Variants in ST18 observed in about 807,000 individuals in gnomAD.
ST18 encodes suppression of tumorigenicity 18 protein.
A neutral mutation model predicts 110.0 loss-of-function variants in ST18; 50 were observed. The observed-to-expected ratio is 0.45, with a 90% CI of 0.36 to 0.58. ST18 has a LOEUF of 0.58. Among genes scored for constraint, ST18 ranks in the 20% least tolerant of loss-of-function variants. The pLI, the probability that ST18 is intolerant of heterozygous loss-of-function variation, is 0.00. For missense variants in ST18, 1,306 were observed against 1,280.1 expected, an observed-to-expected ratio of 1.02 and a Z score of -0.31; for synonymous variants, 461 against 452.4, an observed-to-expected ratio of 1.02 and a Z score of -0.24.
chr8:52,307,011 G>A (rs999539185), intron 2 of ST18, among the ~76,000 whole-genome samples: 11 of 152,086 alleles, frequency 7.2e-5, no homozygotes, highest in African/African-American at 2.7e-4. Context: ...TTCAAACTGA[G>A]GTTTTGTCTA....
At chr8:52,209,490 G>C (rs1019851357) in intron 8 of ST18, among the ~76,000 whole-genome samples, 41 of 152,100 alleles carry the variant, frequency 2.7e-4, no homozygotes, top group Non-Finnish European at 8.8e-5. Flanking sequence ...TTAGTTTATT[G>C]ACTGGGTGCA....
intron 2 of ST18, among the ~76,000 whole-genome samples, chr8:52,286,509 C>A (rs1382440652): frequency 6.6e-6 from 1 of 152,076 alleles, no homozygotes; most frequent in Non-Finnish European, 1.5e-5. Context: ...AAGTAAAAAA[C>A]ATTCTTACCA....
At chr8:52,373,067 C>G (rs1830820874) in intron 2 of ST18, among the ~76,000 whole-genome samples, 1 of 152,196 alleles carries the variant, frequency 6.6e-6, no homozygotes, top group Non-Finnish European at 1.5e-5. Flanking sequence ...GTTATGAGGT[C>G]AGCACAGAGT....
chr8:52,263,313 G>T (rs2094756550), intron 2 of ST18, among the ~76,000 whole-genome samples: 1 of 152,174 alleles, frequency 6.6e-6, no homozygotes, highest in African/African-American at 2.4e-5. Context: ...GAGAAAACAA[G>T]CTACCTACAT....
intron 2 of ST18, among the ~76,000 whole-genome samples, chr8:52,388,343 G>A (rs577795441): frequency 6.6e-5 from 10 of 151,882 alleles, no homozygotes; most frequent in Admixed American, 2.0e-4. Context: ...CACCCAACGT[G>A]AGTCCCCTTT....
At chr8:52,246,144 A>C (rs1191184264) in intron 2 of ST18, among the ~76,000 whole-genome samples, 1 of 152,154 alleles carries the variant, frequency 6.6e-6, no homozygotes, top group Non-Finnish European at 1.5e-5. Flanking sequence ...ATGGAATTTT[A>C]TCTCTTAAGA....
intron 10 of ST18, among the ~76,000 whole-genome samples, chr8:52,167,347 C>T (rs2063359924): frequency 6.6e-6 from 1 of 152,198 alleles, no homozygotes; most frequent in Admixed American, 6.5e-5. Flanking sequence ...TTTATTTAAA[C>T]CAAAACCATT....
intron 2 of ST18, among the ~76,000 whole-genome samples, chr8:52,377,084 T>C (rs1373219990): frequency 6.6e-6 from 1 of 152,174 alleles, no homozygotes; most frequent in Non-Finnish European, 1.5e-5. Context: ...GGGAGCACCA[T>C]AACCATAGCC....
At chr8:52,161,853 T>C (rs1483778598) in intron 13 of ST18, among the ~76,000 whole-genome samples, 2 of 152,262 alleles carry the variant, frequency 1.3e-5, no homozygotes, top group Non-Finnish European at 2.9e-5. Context: ...ATTCATCTTA[T>C]GAAGATATCA....
chr8:52,151,233 T>C (rs1435629844), intron 15 of ST18, among the ~76,000 whole-genome samples: 1 of 151,928 alleles, frequency 6.6e-6, no homozygotes, highest in Non-Finnish European at 1.5e-5. Context: ...CTGGGCTGCA[T>C]CAGCTGGGCT....
chr8:52,142,997 C>T lies in ST18; in HGVS notation c.2101G>A (p.Gly701Arg). ...LENLEEKKFP[G>R]EASIPSPKPK... is the part of the protein sequence containing the mutation. Reference sequence around the variant, plus strand: ...TTAGGGCTTGGTATAGAGGCCTCTCCAGGAAACTTTTTTTCCTCTAAATTT... The same window carrying T: ...TTAGGGCTTGGTATAGAGGCCTCTCTAGGAAACTTTTTTTCCTCTAAATTT... The change falls in exon 17 of 26, where the codon GGA becomes AGA. Residue 701 changes from glycine to arginine, a missense_variant. Coordinates refer to ENST00000689386, the MANE Select transcript of ST18 (RefSeq NM_001352837.2). The T allele has an allele frequency of 6.2e-6, 10 of 1,614,076 alleles. No individual in the cohort carries two copies. Among genetic ancestry groups the T allele is most frequent in the Admixed American group, 1.7e-5 (1 of 60,016 alleles).
intron 23 of ST18, 39 bp downstream of exon 23, chr8:52,126,013 C>A (rs2046920923): frequency 6.3e-7 from 1 of 1,575,086 alleles, no homozygotes; most frequent in Non-Finnish European, 8.7e-7. Context: ...AGGGTCTACA[C>A]CCTGCAGGAG....
At chr8:52,249,305 G>A (rs533552307) in intron 2 of ST18, 1 of 152,430 alleles carries the variant, frequency 6.6e-6, no homozygotes, top group African/African-American at 2.4e-5. Flanking sequence ...CCCACGGTTA[G>A]GCTAAGATCT....
chr8:52,359,133 A>G (rs984118732), intron 2 of ST18, among the ~76,000 whole-genome samples: 17 of 151,986 alleles, frequency 1.1e-4, no homozygotes, highest in Non-Finnish European at 2.1e-4. Context: ...AAAAAAACAC[A>G]TGATATCTCA....
At chr8:52,393,347 AGCAGAGAATAAC>A (rs1839941399) in intron 2 of ST18, among the ~76,000 whole-genome samples, 1 of 152,190 alleles carries the variant, frequency 6.6e-6, no homozygotes. Flanking sequence ...AGAAATGTAG[AGCAGAGAATAAC>A]GCATGTGCAG....
At chr8:52,256,518 G>A (rs1464171268) in intron 2 of ST18, among the ~76,000 whole-genome samples, 1 of 152,126 alleles carries the variant, frequency 6.6e-6, no homozygotes, top group African/African-American at 2.4e-5. Context: ...GTGAGTCAGT[G>A]CGCTCCGTCA....
At chr8:52,271,055 C>T (rs2095059107) in intron 2 of ST18, among the ~76,000 whole-genome samples, 1 of 151,922 alleles carries the variant, frequency 6.6e-6, no homozygotes, top group Admixed American at 6.6e-5. Flanking sequence ...CCCGCCGCCA[C>T]GCCCAGCTAA....
chr8:52,291,245 T>C lies in ST18; in HGVS notation c.-464-61168A>G, dbSNP rs186885004. On this transcript the variant is annotated intron_variant, in intron 2 of 25. Coordinates refer to ENST00000689386, the MANE Select transcript of ST18 (RefSeq NM_001352837.2). Reference sequence around the variant, plus strand: ...AAGCTCCCATTTTTCAACCAACGCCTTTTCCTCCCCACTGTAGGCATGTCA... The same window carrying C: ...AAGCTCCCATTTTTCAACCAACGCCCTTTCCTCCCCACTGTAGGCATGTCA... 3.9e-3 allele frequency among the ~76,000 whole-genome samples: 590 copies of C among 152,324 alleles called. 3 individuals are homozygous for C. Among genetic ancestry groups the C allele is most frequent in the African/African-American group, 0.014 (563 of 41,580 alleles).
intron 8 of ST18, among the ~76,000 whole-genome samples, chr8:52,190,434 A>G (rs1232767593): frequency 6.6e-6 from 1 of 152,028 alleles, no homozygotes; most frequent in Non-Finnish European, 1.5e-5. Context: ...ACCAGTGTGG[A>G]CCCTACAAGA....
Sources: gnomAD v4.1 joint callset for allele counts (sites outside exome capture counted in the v4.1 genomes callset) on GRCh38, gnomAD v4.1.1 for gene constraint, MANE v1.5 for transcripts, NCBI Gene and HGNC (gene_info 2026-07-23, HGNC 2026-07-21) for gene names.